ZFYVE28: variants seen among roughly 807,000 people sequenced by gnomAD.
The protein encoded by ZFYVE28 is zinc finger FYVE-type containing 28, also known as lateral signaling target protein 2 homolog.
A neutral mutation model predicts 82.1 loss-of-function variants in ZFYVE28; 40 were observed. The ratio of observed to expected loss-of-function variants is 0.49; its 90% confidence interval spans 0.38 to 0.63. The LOEUF (loss-of-function observed/expected upper bound fraction) is 0.63, where lower values mean the gene tolerates loss of function less well. Ranked by LOEUF, ZFYVE28 falls within the 30% of genes least tolerant of loss-of-function variation. The pLI, the probability that ZFYVE28 is intolerant of heterozygous loss-of-function variation, is 0.00. For missense variants in ZFYVE28, 1,321 were observed against 1,242.1 expected (o/e 1.06, Z -0.96); for synonymous variants, 612 against 546.1 (o/e 1.12, Z -1.68).
chr4:2,377,357 A>G (rs1188358387), intron 1 of ZFYVE28, among the ~76,000 whole-genome samples: 1 of 152,186 alleles, frequency 6.6e-6, no homozygotes, highest in East Asian at 1.9e-4. Context: ...TAGGACACAC[A>G]TAATTTCTTA....
intron 1 of ZFYVE28, among the ~76,000 whole-genome samples, chr4:2,377,639 T>C (rs1011795946): frequency 7.9e-5 from 12 of 152,224 alleles, no homozygotes; most frequent in Non-Finnish European, 1.6e-4. Flanking sequence ...ATTCTCTATC[T>C]TGCGGCACTT....
intron 7 of ZFYVE28, among the ~76,000 whole-genome samples, chr4:2,308,283 C>G (rs1174761158): frequency 6.6e-6 from 1 of 151,956 alleles, no homozygotes; most frequent in Non-Finnish European, 1.5e-5. Flanking sequence ...CTGTGCCTGG[C>G]CTTTGTTCTT....
intron 2 of ZFYVE28, among the ~76,000 whole-genome samples, chr4:2,342,104 G>A (rs1317174699): frequency 2.0e-5 from 3 of 152,220 alleles, no homozygotes; most frequent in African/African-American, 7.2e-5. Context: ...TTCCTCTGTA[G>A]AGTCAGGGAC....
At position 2,302,217 on chromosome 4, in the gene ZFYVE28, T is replaced by TA. The variant is rs560059723; in HGVS notation, c.2051+2071dup. Among the ~76,000 whole-genome samples the TA allele has an allele frequency of 9.2e-5, 14 of 152,338 alleles. No individual in the cohort carries two copies. In the South Asian group the frequency reaches 2.9e-3, roughly 32 times the overall value. ...TTTTTGAAAATTGAAGAATATACTA[T>TA]AAAACATTCTTCAACTGTTCCCTTT... On this transcript the variant is annotated intron_variant, in intron 8 of 12. Transcript: ENST00000290974.
intron 8 of ZFYVE28, among the ~76,000 whole-genome samples, chr4:2,277,283 C>T (rs1736554502): frequency 6.6e-6 from 1 of 152,124 alleles, no homozygotes; most frequent in Non-Finnish European, 1.5e-5. Flanking sequence ...AGTTCGAGAC[C>T]AGCCTGGGCA....
In ZFYVE28 at chr4:2,320,345, C is replaced by T. The variant is rs945050676; in HGVS notation, c.702-74G>A. On this transcript the variant is annotated intron_variant, in intron 6 of 12. Transcript: ENST00000290974. The surrounding 1 kb of genome is among the most constrained non-coding windows in gnomAD (Gnocchi z 5.1). ...GGTGCCGCGGACGGCCCAACTTAAC[C>T]ACCTGCGAAAACCACGCCCGCTGGG... 7.0e-7 allele frequency: 1 copy of T among 1,438,772 alleles called. No individual in the cohort carries two copies. The highest frequency in any genetic ancestry group is 9.5e-7 in the Non-Finnish European group (1 of 1,047,498). 89.1% of individuals were successfully genotyped at this position (1,438,772 alleles called of 1,614,324 possible). A position where few individuals can be genotyped will look rare whatever the true frequency, so the allele number is the denominator to read the frequency against.
Position 2,363,320 on chromosome 4 carries a change from C to T in ZFYVE28, c.40-9247G>A, listed in dbSNP as rs190092221. Among the ~76,000 whole-genome samples the T allele has an allele frequency of 4.8e-3, 732 of 152,242 alleles. 5 individuals carry two copies. The highest frequency in any genetic ancestry group is 6.8e-3 in the Middle Eastern group (2 of 294). ...TTGCTGGTAGAACGTGCTGAGGACG[C>T]GGCATCCAGAGATAGGGAGGGACTG... On this transcript the variant is annotated intron_variant, in intron 1 of 12. Coordinates refer to ENST00000290974, the MANE Select transcript of ZFYVE28 (RefSeq NM_020972.3).
intron 1 of ZFYVE28, among the ~76,000 whole-genome samples, chr4:2,399,032 GGGTGAGATCC>G (rs1730831827): frequency 2.0e-5 from 1 of 50,346 alleles, no homozygotes; most frequent in African/African-American, 5.5e-5. Context: ...GCACAAGGTG[GGGTGAGATCC>G]AGGGCACAAG....
In ZFYVE28 at chr4:2,412,455, C is replaced by T. The variant is rs1228709655; in HGVS notation, c.39+5830G>A. Among the ~76,000 whole-genome samples the T allele has an allele frequency of 2.6e-5, 4 of 152,104 alleles. No individual in the cohort carries two copies. The East Asian group carries it at 7.7e-4, about 29-fold the overall frequency. ...AACAATTCCAGAAGGCAGGTCTCAG[C>T]ATCCCCACCTGACACTAGGGAAACT... On this transcript the variant is annotated intron_variant, in intron 1 of 12. Coordinates refer to ENST00000290974, the MANE Select transcript of ZFYVE28 (RefSeq NM_020972.3).
intron 6 of ZFYVE28, among the ~76,000 whole-genome samples, chr4:2,334,320 T>TGTCCAGAC (rs1408362715): frequency 1.3e-5 from 2 of 151,724 alleles, no homozygotes; most frequent in Non-Finnish European, 2.9e-5. Flanking sequence ...GGCCCAGGGG[T>TGTCCAGAC]GTCCAGACTG....
rs1214102877 is a variant in ZFYVE28 at position 2,335,044 on chromosome 4, C to T, written c.701+661G>A. On this transcript the variant is annotated intron_variant, in intron 6 of 12. Coordinates refer to ENST00000290974, the MANE Select transcript of ZFYVE28 (RefSeq NM_020972.3). This position sits in a 1 kb window ranked among gnomAD's most constrained non-coding sequence, Gnocchi z 5.8. The stretch of plus-strand genomic sequence containing the variant: ...CTCAGAGACGCTAAGCAGGTGACCC[C>T]GCGCATCCTGCCTCGGTGGATTTCA... Among the ~76,000 whole-genome samples the T allele has an allele frequency of 1.3e-5, 2 of 151,046 alleles. No homozygotes were observed. Among genetic ancestry groups the T allele is most frequent in the African/African-American group, 2.4e-5 (1 of 41,182 alleles).
In ZFYVE28 at chr4:2,305,008, C is replaced by A. The variant is rs766652682; in HGVS notation, c.1332G>T (p.Ala444=). 1 of 1,612,668 alleles carries A rather than the reference C, an allele frequency of 6.2e-7. No homozygotes were observed. Among genetic ancestry groups the A allele is most frequent in the Non-Finnish European group, 8.5e-7 (1 of 1,179,918 alleles). ...CCGAGGCGGGCAAGCTGATCCCCGC[C>A]GCTCCGCCTGGCCCACCCTGCCCTT... is the stretch of plus-strand genomic sequence containing the variant. The part of the protein sequence containing the change: ...QEKGQGGPGG[A]AGISLPASEK... The change falls in exon 8 of 13, where the codon GCG becomes GCT. Residue 444 remains alanine, a synonymous_variant. Coordinates refer to ENST00000290974, the MANE Select transcript of ZFYVE28 (RefSeq NM_020972.3).
intron 8 of ZFYVE28, among the ~76,000 whole-genome samples, chr4:2,302,989 TAA>T (rs1429708704): frequency 6.6e-6 from 1 of 152,134 alleles, no homozygotes; most frequent in East Asian, 1.9e-4. Flanking sequence ...CGAGCCATCG[TAA>T]GTCTGGAACC....
intron 8 of ZFYVE28, chr4:2,286,306 CA>C: frequency 1.3e-5 from 2 of 152,476 alleles, no homozygotes; most frequent in Non-Finnish European, 2.9e-5. Flanking sequence ...GGGAGGATGC[CA>C]AAAAGGCAGC....
At chr4:2,322,405 T>C (rs1377098844) in intron 6 of ZFYVE28, among the ~76,000 whole-genome samples, 1 of 151,910 alleles carries the variant, frequency 6.6e-6, no homozygotes, top group Non-Finnish European at 1.5e-5. Context: ...CATGCTGCCA[T>C]GAGCAGGGGT....
chr4:2,337,633 G>C, intron 4 of ZFYVE28, 137 bp from the exon 5 acceptor site: 1 of 634,414 alleles, frequency 1.6e-6, no homozygotes, highest in East Asian at 3.0e-5. Context: ...TGTAATCCCA[G>C]CACGTTGGGA....
At chr4:2,290,269 C>T (rs997789293) in intron 8 of ZFYVE28, among the ~76,000 whole-genome samples, 1 of 152,210 alleles carries the variant, frequency 6.6e-6, no homozygotes, top group African/African-American at 2.4e-5. Context: ...AGGTGTGTGA[C>T]CACAAGCCTG....
intron 8 of ZFYVE28, among the ~76,000 whole-genome samples, chr4:2,291,031 C>T (rs750052601): frequency 7.2e-5 from 11 of 152,248 alleles, no homozygotes; most frequent in African/African-American, 2.7e-4. Flanking sequence ...CGAAGAGTGC[C>T]TGCACGTGTG....
intron 8 of ZFYVE28, among the ~76,000 whole-genome samples, chr4:2,275,122 C>T (rs537962769): frequency 2.6e-5 from 4 of 152,098 alleles, no homozygotes; most frequent in Non-Finnish European, 4.4e-5. Flanking sequence ...CCCTGGGCAT[C>T]GGTTCTGACT....
Sources: gnomAD v4.1 joint callset for allele counts (sites outside exome capture counted in the v4.1 genomes callset) on GRCh38, gnomAD v4.1.1 for gene constraint, Gnocchi (gnomAD v3.1) non-coding constraint, MANE v1.5 for transcripts, NCBI Gene and HGNC (gene_info 2026-07-23, HGNC 2026-07-21) for gene names.